Variants in CHL1 observed in about 807,000 individuals in gnomAD.
CHL1 encodes neural cell adhesion molecule L1-like protein.
In CHL1, 96 loss-of-function variants were observed where a neutral mutation model predicts 141.9. The observed-to-expected ratio is 0.68, with a 90% CI of 0.57 to 0.80. CHL1 has a LOEUF of 0.80. CHL1 is among the 30% of genes least tolerant of loss of function. The pLI, the probability that CHL1 is intolerant of heterozygous loss-of-function variation, is 0.00. For synonymous variants in CHL1, 613 were observed against 502.2 expected (o/e 1.22, Z -2.95); for missense variants, 1,820 against 1,457.2 (o/e 1.25, Z -4.05).
intron 15 of CHL1, among the ~76,000 whole-genome samples, chr3:368,604 C>A (rs544242983): frequency 1.3e-5 from 2 of 152,194 alleles, no homozygotes; most frequent in African/African-American, 4.8e-5. Flanking sequence ...TGATTAGATC[C>A]CATTTGTAAA....
intron 2 of CHL1, among the ~76,000 whole-genome samples, chr3:311,568 A>G (rs1699757041): frequency 6.6e-6 from 1 of 152,044 alleles, no homozygotes; most frequent in African/African-American, 2.4e-5. Context: ...ACATAATCCA[A>G]ATATCACCTG....
At chr3:235,782 A>G (rs1042708469) in intron 1 of CHL1, among the ~76,000 whole-genome samples, 2 of 152,164 alleles carry the variant, frequency 1.3e-5, no homozygotes, top group African/African-American at 4.8e-5. Context: ...AACTTACAAC[A>G]TTGACATTTT....
chr3:382,995 C>T (rs964315266), intron 18 of CHL1, among the ~76,000 whole-genome samples: 1 of 152,078 alleles, frequency 6.6e-6, no homozygotes, highest in Non-Finnish European at 1.5e-5. Flanking sequence ...ATGCATCTAA[C>T]ATTATTAATT....
chr3:266,640 C>T (rs904830942), intron 2 of CHL1, among the ~76,000 whole-genome samples: 3 of 152,132 alleles, frequency 2.0e-5, no homozygotes, highest in African/African-American at 4.8e-5. Context: ...GGTTTTCCTG[C>T]ATCAAAGGGT....
intron 19 of CHL1, among the ~76,000 whole-genome samples, 177 bp downstream of exon 19, chr3:384,063 T>C (rs746221576): frequency 6.6e-6 from 1 of 152,170 alleles, no homozygotes; most frequent in Non-Finnish European, 1.5e-5. Flanking sequence ...TAAAATGATG[T>C]TATGAAATCG....
intron 2 of CHL1, among the ~76,000 whole-genome samples, chr3:314,309 TTC>T (rs779919756): frequency 8.1e-5 from 8 of 98,168 alleles, no homozygotes; most frequent in Admixed American, 1.2e-4. Flanking sequence ...CTCTCTCTCT[TTC>T]TCTCTCTCTC....
At chr3:350,154 A>G (rs1443749254) in intron 10 of CHL1, among the ~76,000 whole-genome samples, 1 of 152,238 alleles carries the variant, frequency 6.6e-6, no homozygotes, top group African/African-American at 2.4e-5. Flanking sequence ...CAAAAAGTGC[A>G]AAAACATTAT....
intron 8 of CHL1, among the ~76,000 whole-genome samples, 192 bp downstream of exon 8, chr3:343,223 A>G (rs374654576): frequency 6.6e-6 from 1 of 152,172 alleles, no homozygotes; most frequent in African/African-American, 2.4e-5. Context: ...TTATAAATAT[A>G]TAACTGTATA....
At chr3:209,461 T>C (rs1559272858) in intron 1 of CHL1, among the ~76,000 whole-genome samples, 3 of 152,204 alleles carry the variant, frequency 2.0e-5, no homozygotes, top group African/African-American at 7.2e-5. Flanking sequence ...ATACCACCTA[T>C]AGGAGTTCAG....
chr3:347,516 T>C (rs1458617961), intron 9 of CHL1, among the ~76,000 whole-genome samples: 2 of 152,008 alleles, frequency 1.3e-5, no homozygotes, highest in Non-Finnish European at 2.9e-5. Context: ...TATTTTACTT[T>C]ATTCTTTCAA....
intron 1 of CHL1, among the ~76,000 whole-genome samples, chr3:236,689 T>TAAAAACCTTGTAAA (rs1559314496): frequency 6.6e-6 from 1 of 151,656 alleles, no homozygotes; most frequent in African/African-American, 2.4e-5. Flanking sequence ...TACTGACATT[T>TAAAAACCTTGTAAA]TCTGTGGCCC....
At chr3:259,860 C>A (rs564397652) in intron 2 of CHL1, among the ~76,000 whole-genome samples, 1 of 152,082 alleles carries the variant, frequency 6.6e-6, no homozygotes, top group Non-Finnish European at 1.5e-5. Flanking sequence ...TCATGGGGCC[C>A]GTTTAACTTA....
At chr3:372,103 G>A (rs1217683329) in intron 15 of CHL1, among the ~76,000 whole-genome samples, 1 of 152,076 alleles carries the variant, frequency 6.6e-6, no homozygotes, top group Non-Finnish European at 1.5e-5. Flanking sequence ...ATCTTCTCAT[G>A]GAGTATCTTA....
chr3:220,619 T>G (rs544539738), intron 1 of CHL1, among the ~76,000 whole-genome samples: 1 of 152,176 alleles, frequency 6.6e-6, no homozygotes, highest in South Asian at 2.1e-4. Flanking sequence ...CACCTATGCA[T>G]GTAGAATGCT....
At chr3:391,652 A>G in intron 22 of CHL1, 23 bp from the exon 23 acceptor site, 1 of 1,567,066 alleles carries the variant, frequency 6.4e-7, no homozygotes, top group South Asian at 1.2e-5. Context: ...ATGTGAGTTT[A>G]TTTTTGGTCT....
At chr3:326,095 T>A (rs992507520) in intron 4 of CHL1, 31 bp downstream of exon 4, 4 of 1,335,662 alleles carry the variant, frequency 3.0e-6, no homozygotes, top group Non-Finnish European at 4.3e-6. Flanking sequence ...AGTGGTTCTT[T>A]AAATGCGTGC....
intron 25 of CHL1, 99 bp from the exon 26 acceptor site, chr3:398,918 T>G: frequency 9.0e-7 from 1 of 1,110,298 alleles, no homozygotes; most frequent in Non-Finnish European, 1.3e-6. Context: ...ACTGATACTA[T>G]TTGGTATGTT....
At chr3:210,998 T>C (rs1048478010) in intron 1 of CHL1, among the ~76,000 whole-genome samples, 3 of 152,242 alleles carry the variant, frequency 2.0e-5, no homozygotes, top group African/African-American at 7.2e-5. Flanking sequence ...TTTCGGATGC[T>C]TTTCTCCTCT....
chr3:385,490 G>A (rs1431055134), intron 19 of CHL1, among the ~76,000 whole-genome samples: 1 of 152,116 alleles, frequency 6.6e-6, no homozygotes, highest in Non-Finnish European at 1.5e-5. Flanking sequence ...AGATACACAA[G>A]ATTGATTATT....
Sources: gnomAD v4.1 joint callset for allele counts (sites outside exome capture counted in the v4.1 genomes callset) on GRCh38, gnomAD v4.1.1 for gene constraint, MANE v1.5 for transcripts, NCBI Gene and HGNC (gene_info 2026-07-23, HGNC 2026-07-21) for gene names.